DBX2: variants seen among roughly 807,000 people sequenced by gnomAD.
DBX2 encodes the protein developing brain homeobox 2, also known as homeobox protein DBX2.
In DBX2, 16 loss-of-function variants were observed where a neutral mutation model predicts 17.7. That is an observed-to-expected ratio of 0.90 (90% confidence interval 0.61 to 1.37). The LOEUF (loss-of-function observed/expected upper bound fraction) is 1.37. DBX2 is among the 40% of genes most tolerant of loss of function. DBX2 has a pLI of 0.00. For missense variants in DBX2, 538 were observed against 433.8 expected, an observed-to-expected ratio of 1.24 and a Z score of -2.13; for synonymous variants, 255 against 183.8, an observed-to-expected ratio of 1.39 and a Z score of -3.13.
rs1946526880 is a variant in DBX2, at chr12:45,050,690, G to C, written c.238C>G (p.Pro80Ala). The C allele has an allele frequency of 6.5e-7, 1 of 1,533,078 alleles. No homozygotes were observed. The highest frequency in any genetic ancestry group is 2.6e-5 in the East Asian group (1 of 38,588). 95.0% of individuals were successfully genotyped at this position (1,533,078 alleles called of 1,614,324 possible). ...GAQLRPLPASPVPLKLCPAAE... is the reference protein window; with the variant it reads ...GAQLRPLPASAVPLKLCPAAE... Reference sequence around the variant, plus strand: ...GCGGGGCACAGCTTTAGGGGAACTGGGCTAGCAGGCAGGGGCCGGAGCTGC... The same window carrying C: ...GCGGGGCACAGCTTTAGGGGAACTGCGCTAGCAGGCAGGGGCCGGAGCTGC... The change falls in exon 1 of 4, where the codon CCA becomes GCA. Residue 80 changes from proline to alanine, a missense_variant. By Grantham distance (27) the Pro-to-Ala change is conservative. Coordinates refer to ENST00000332700, the MANE Select transcript of DBX2 (RefSeq NM_001004329.3).
chr12:45,017,916 A>G (rs1186858845), intron 3 of DBX2, among the ~76,000 whole-genome samples: 6 of 152,188 alleles, frequency 3.9e-5, no homozygotes, highest in Admixed American at 1.3e-4. Context: ...TAGCATATCA[A>G]CCAAGTATTT....
intron 1 of DBX2, among the ~76,000 whole-genome samples, chr12:45,039,423 G>A (rs1340949391): frequency 6.6e-6 from 1 of 150,570 alleles, no homozygotes; most frequent in Admixed American, 6.6e-5. Flanking sequence ...GTTGATAGAT[G>A]TGCTGTAAAC....
At chr12:45,031,225 T>TGAGAGAAAGAGA (rs1946409056) in intron 2 of DBX2, among the ~76,000 whole-genome samples, 1 of 85,624 alleles carries the variant, frequency 1.2e-5, no homozygotes, top group African/African-American at 4.6e-5. Flanking sequence ...TGTGTGTGTG[T>TGAGAGAAAGAGA]GAGAGAGAGA....
intron 2 of DBX2, among the ~76,000 whole-genome samples, chr12:45,025,180 A>AC (rs1565581601): frequency 6.6e-6 from 1 of 152,166 alleles, no homozygotes; most frequent in Non-Finnish European, 1.5e-5. Context: ...ATCTTGTATT[A>AC]CCCAGGTGGG....
rs150580414 is a variant in DBX2, at chr12:45,047,121, A to T, written c.403+3404T>A. ...GGCATAACCACCAATTGGAAAACTG[A>T]TATCATTCTGTAGCCAGGAGAATTT... On this transcript the variant is annotated intron_variant, in intron 1 of 3. Transcript: ENST00000332700. Among the ~76,000 whole-genome samples, 562 of 152,308 alleles carry T rather than the reference A, an allele frequency of 3.7e-3. 2 individuals are homozygous for T. Among genetic ancestry groups the T allele is most frequent in the Middle Eastern group, 0.01 (3 of 294 alleles).
intron 1 of DBX2, among the ~76,000 whole-genome samples, chr12:45,042,586 C>T (rs1036349675): frequency 1.3e-5 from 2 of 152,122 alleles, no homozygotes; most frequent in Non-Finnish European, 2.9e-5. Flanking sequence ...GGAATGAAGG[C>T]CTTAAAGGCC....
intron 3 of DBX2, among the ~76,000 whole-genome samples, chr12:45,019,193 G>A (rs541017261): frequency 6.6e-6 from 1 of 151,870 alleles, no homozygotes; most frequent in Admixed American, 6.6e-5. Context: ...ACTTAGAAAG[G>A]ACTTTTGCAA....
chr12:45,031,225 T>TGAGAGAGAGAGAGA (rs72031074), intron 2 of DBX2, among the ~76,000 whole-genome samples: 6 of 85,624 alleles, frequency 7.0e-5, no homozygotes, highest in Non-Finnish European at 1.1e-4. Context: ...TGTGTGTGTG[T>TGAGAGAGAGAGAGA]GAGAGAGAGA....
At chr12:45,028,398 T>C (rs937168725) in intron 2 of DBX2, among the ~76,000 whole-genome samples, 2 of 151,128 alleles carry the variant, frequency 1.3e-5, no homozygotes, top group East Asian at 1.9e-4. Context: ...AGAAAAAATA[T>C]GTACCCTTTT....
intron 1 of DBX2, among the ~76,000 whole-genome samples, chr12:45,036,844 G>A (rs1327817096): frequency 1.3e-5 from 2 of 152,154 alleles, no homozygotes; most frequent in African/African-American, 2.4e-5. Context: ...TTTATCTCAA[G>A]AGTAATCTAG....
At chr12:45,036,362 C>T (rs923877241) in intron 1 of DBX2, among the ~76,000 whole-genome samples, 8 of 152,026 alleles carry the variant, frequency 5.3e-5, no homozygotes, top group Non-Finnish European at 8.8e-5. Context: ...ATTTTCTGTG[C>T]GGTCATCATT....
intron 1 of DBX2, among the ~76,000 whole-genome samples, chr12:45,039,295 ATATATATATATATATATATATATATATG>A (rs1565585219): frequency 4.6e-5 from 4 of 87,518 alleles, no homozygotes; most frequent in East Asian, 1.0e-3. Flanking sequence ...ATATATATAT[ATATATATATATATATATATATATATATG>A]TATCACACTT....
intron 2 of DBX2, among the ~76,000 whole-genome samples, chr12:45,026,343 C>T (rs1946381378): frequency 1.3e-5 from 2 of 152,168 alleles, no homozygotes; most frequent in South Asian, 2.1e-4. Flanking sequence ...AATAAACATA[C>T]ACTGAACACC....
chr12:45,022,539 C>T (rs1462320138), intron 3 of DBX2, among the ~76,000 whole-genome samples: 2 of 152,108 alleles, frequency 1.3e-5, no homozygotes, highest in Admixed American at 1.3e-4. Flanking sequence ...CTCCTGACCT[C>T]ATGATCCGCC....
chr12:45,041,007 G>C (rs1946468088), intron 1 of DBX2, among the ~76,000 whole-genome samples: 1 of 147,544 alleles, frequency 6.8e-6, no homozygotes, highest in South Asian at 2.1e-4. Context: ...AGAAATGATA[G>C]AAGGTTCCAA....
At chr12:45,041,591 CAA>C (rs1946471617) in intron 1 of DBX2, among the ~76,000 whole-genome samples, 1 of 152,132 alleles carries the variant, frequency 6.6e-6, no homozygotes, top group South Asian at 2.1e-4. Flanking sequence ...TATCAGAAAA[CAA>C]GAGAAGCCCG....
chr12:45,045,170 T>C (rs1176407150), intron 1 of DBX2, among the ~76,000 whole-genome samples: 1 of 152,170 alleles, frequency 6.6e-6, no homozygotes, highest in African/African-American at 2.4e-5. Context: ...CCAGGTGTAT[T>C]TGAACGAAAA....
intron 1 of DBX2, among the ~76,000 whole-genome samples, chr12:45,037,460 C>T (rs547119908): frequency 2.0e-5 from 3 of 152,264 alleles, no homozygotes; most frequent in African/African-American, 7.2e-5. Context: ...AAGAATTAAT[C>T]CTTCCCCTGC....
rs1471646174 is a variant in DBX2 at position 45,050,910 on chromosome 12, G to T, written c.18C>A (p.Val6=). MLPSA[V]AAHAGAYWDV... is the part of the protein sequence containing the mutation. Reference sequence around the variant, plus strand: ...CCCAGTACGCACCGGCGTGGGCTGCGACCGCGCTGGGGAGCATAGTGCGGC... The same window carrying T: ...CCCAGTACGCACCGGCGTGGGCTGCTACCGCGCTGGGGAGCATAGTGCGGC... The change falls in exon 1 of 4, where the codon GTC becomes GTA. Residue 6 remains valine, a synonymous_variant. Transcript: ENST00000332700. 2.0e-6 allele frequency: 3 copies of T among 1,505,902 alleles called. No individual in the cohort carries two copies. Among genetic ancestry groups the T allele is most frequent in the African/African-American group, 2.9e-5 (2 of 69,526 alleles). The allele number at this position is 1,505,902 out of a possible 1,614,324, so 93.3% of individuals were successfully genotyped here.
Sources: allele counts gnomAD v4.1 joint callset (sites outside exome capture counted in the v4.1 genomes callset), GRCh38; gene constraint gnomAD v4.1.1; transcripts MANE v1.5; gene names NCBI Gene and HGNC (gene_info 2026-07-23, HGNC 2026-07-21).